The following ADAMTSL1 variants were observed in gnomAD, a reference collection of about 807,000 sequenced individuals.
ADAMTSL1 encodes ADAMTS-like protein 1.
A neutral mutation model predicts 201.8 loss-of-function variants in ADAMTSL1; 126 were observed. The observed-to-expected ratio is 0.62, with a 90% CI of 0.54 to 0.72. The LOEUF (loss-of-function observed/expected upper bound fraction) is 0.72, where lower values mean the gene tolerates loss of function less well. Ranked by LOEUF, ADAMTSL1 falls within the 30% of genes least tolerant of loss-of-function variation. The probability of loss-of-function intolerance (pLI) is 0.00; values close to 1 mark genes in which losing one functional copy is unlikely to be tolerated. For synonymous variants in ADAMTSL1, 1,121 were observed against 903.4 expected (o/e 1.24, Z -4.32); for missense variants, 2,679 against 2,277.8 (o/e 1.18, Z -3.59).
At chr9:18,590,708 A>T (rs1823855346) in intron 4 of ADAMTSL1, among the ~76,000 whole-genome samples, 3 of 151,980 alleles carry the variant, frequency 2.0e-5, no homozygotes, top group Non-Finnish European at 4.4e-5. Context: ...TTTTTGGTAC[A>T]TTGTACTTCC....
chr9:18,483,932 G>A (rs987585448), intron 1 of ADAMTSL1, among the ~76,000 whole-genome samples: 1 of 152,128 alleles, frequency 6.6e-6, no homozygotes, highest in African/African-American at 2.4e-5. Flanking sequence ...TGTAAAATAC[G>A]GCTCTTCCCT....
At chr9:18,009,524 A>G (rs893284223) in intron 1 of ADAMTSL1, among the ~76,000 whole-genome samples, 4 of 152,068 alleles carry the variant, frequency 2.6e-5, no homozygotes, top group African/African-American at 9.7e-5. Flanking sequence ...TGTTTCAGTG[A>G]CAAGAGATTA....
chr9:18,434,192 A>T (rs1207708420), intron 2 of ADAMTSL1, among the ~76,000 whole-genome samples: 1 of 152,192 alleles, frequency 6.6e-6, no homozygotes, highest in Non-Finnish European at 1.5e-5. Context: ...AGAAGTTTTT[A>T]AAATTATCTT....
intron 23 of ADAMTSL1, among the ~76,000 whole-genome samples, chr9:18,885,619 AG>A (rs1454211834): frequency 6.6e-6 from 1 of 152,170 alleles, no homozygotes; most frequent in Non-Finnish European, 1.5e-5. Flanking sequence ...GAAGGAGTGA[AG>A]AATTGGATCA....
chr9:18,276,459 A>G (rs1431388107), intron 2 of ADAMTSL1, among the ~76,000 whole-genome samples: 1 of 152,184 alleles, frequency 6.6e-6, no homozygotes, highest in Non-Finnish European at 1.5e-5. Flanking sequence ...TCAAAGTTTT[A>G]TAGTTTCAGC....
At chr9:18,226,403 T>G (rs1031575319) in intron 2 of ADAMTSL1, among the ~76,000 whole-genome samples, 1 of 152,182 alleles carries the variant, frequency 6.6e-6, no homozygotes, top group Non-Finnish European at 1.5e-5. Flanking sequence ...CTATTGAGTC[T>G]GACATCAGTT....
intron 3 of ADAMTSL1, among the ~76,000 whole-genome samples, chr9:18,572,192 G>GT (rs1179596976): frequency 6.9e-6 from 1 of 145,268 alleles, no homozygotes; most frequent in Non-Finnish European, 1.5e-5. Flanking sequence ...GAGACTCCTT[G>GT]TCAAAAAAAA....
intron 9 of ADAMTSL1, among the ~76,000 whole-genome samples, chr9:18,673,680 A>G (rs747756986): frequency 5.3e-5 from 8 of 152,232 alleles, no homozygotes; most frequent in Non-Finnish European, 1.0e-4. Context: ...GAGATCTGCA[A>G]CAGTTTATTC....
At chr9:18,289,659 A>G (rs1423895627) in intron 2 of ADAMTSL1, among the ~76,000 whole-genome samples, 14 of 152,196 alleles carry the variant, frequency 9.2e-5, no homozygotes, top group Non-Finnish European at 1.0e-4. Context: ...TCTGGCTATG[A>G]TAGGTATGAT....
At chr9:17,946,818 T>G (rs1042619414) in intron 1 of ADAMTSL1, among the ~76,000 whole-genome samples, 2 of 152,204 alleles carry the variant, frequency 1.3e-5, no homozygotes, top group African/African-American at 4.8e-5. Flanking sequence ...ATAATTGCAA[T>G]TTGCTAAAAG....
At chr9:18,528,028 C>A (rs1300599158) in intron 2 of ADAMTSL1, among the ~76,000 whole-genome samples, 1 of 151,994 alleles carries the variant, frequency 6.6e-6, no homozygotes, top group African/African-American at 2.4e-5. Flanking sequence ...CAGGTGCCTG[C>A]CACCATGCCC....
intron 2 of ADAMTSL1, among the ~76,000 whole-genome samples, chr9:18,270,138 G>A (rs1350230095): frequency 6.6e-6 from 1 of 152,040 alleles, no homozygotes; most frequent in Non-Finnish European, 1.5e-5. Flanking sequence ...GAATTCCAAG[G>A]TCAGGGTGCT....
At chr9:18,723,024 T>C (rs753847703) in intron 15 of ADAMTSL1, 6 of 779,692 alleles carry the variant, frequency 7.7e-6, no homozygotes, top group Non-Finnish European at 1.4e-5. Flanking sequence ...GAAGAAGCAG[T>C]ATCGACTCAG....
At chr9:18,769,496 G>T (rs1450590990) in intron 16 of ADAMTSL1, among the ~76,000 whole-genome samples, 5 of 152,186 alleles carry the variant, frequency 3.3e-5, no homozygotes, top group African/African-American at 4.8e-5. Flanking sequence ...AATAACATTG[G>T]CTTTAAAAAG....
intron 1 of ADAMTSL1, among the ~76,000 whole-genome samples, chr9:17,979,264 C>T (rs1818586258): frequency 6.6e-6 from 1 of 151,834 alleles, no homozygotes; most frequent in Non-Finnish European, 1.5e-5. Flanking sequence ...TACCCTGCTC[C>T]TTTCTCTTTC....
intron 2 of ADAMTSL1, among the ~76,000 whole-genome samples, chr9:18,400,727 C>T (rs1817954551): frequency 2.0e-5 from 3 of 152,072 alleles, no homozygotes; most frequent in South Asian, 2.1e-4. Flanking sequence ...GGGTTCTATA[C>T]GTTGCAAACC....
intron 1 of ADAMTSL1, among the ~76,000 whole-genome samples, chr9:18,157,343 T>A (rs1038622959): frequency 6.6e-6 from 1 of 152,060 alleles, no homozygotes; most frequent in Non-Finnish European, 1.5e-5. Context: ...TAGAATCCTG[T>A]CTTGTCAAGG....
chr9:18,135,663 T>C (rs892691190), intron 1 of ADAMTSL1, among the ~76,000 whole-genome samples: 1 of 152,150 alleles, frequency 6.6e-6, no homozygotes, highest in South Asian at 2.1e-4. Flanking sequence ...TATATTAATA[T>C]ATAGGCATGT....
chr9:17,916,227 T>C (rs1826089415), intron 1 of ADAMTSL1, among the ~76,000 whole-genome samples: 1 of 152,228 alleles, frequency 6.6e-6, no homozygotes, highest in Non-Finnish European at 1.5e-5. Context: ...CCACTATGAA[T>C]GTCTTCTCAG....
Sources: gnomAD v4.1 joint callset for allele counts (sites outside exome capture counted in the v4.1 genomes callset) on GRCh38, gnomAD v4.1.1 for gene constraint, MANE v1.5 for transcripts, NCBI Gene and HGNC (gene_info 2026-07-23, HGNC 2026-07-21) for gene names.